The following SNAP47 variants were observed in gnomAD, a reference collection of about 807,000 sequenced individuals.
The protein encoded by SNAP47 is synaptosome associated protein 47, also known as synaptosomal-associated protein 47.
SNAP47 carries 20 observed loss-of-function variants against 31.4 expected under a neutral mutation model. The observed-to-expected ratio is 0.64, with a 90% CI of 0.45 to 0.93. The LOEUF (loss-of-function observed/expected upper bound fraction) is 0.93. Among genes scored for constraint, SNAP47 ranks in the 40% least tolerant of loss-of-function variants. The probability of loss-of-function intolerance (pLI) is 0.00; values close to 1 mark genes in which losing one functional copy is unlikely to be tolerated. For missense variants in SNAP47, 492 were observed against 528.5 expected, an observed-to-expected ratio of 0.93 and a Z score of 0.68; for synonymous variants, 194 against 213.4, an observed-to-expected ratio of 0.91 and a Z score of 0.79.
chr1:227,739,764 G>A (rs1661466930), intron 1 of SNAP47, among the ~76,000 whole-genome samples: 2 of 152,230 alleles, frequency 1.3e-5, no homozygotes, highest in Admixed American at 1.3e-4. Context: ...CTCCCCAAGA[G>A]CGTCACTTGT....
At chr1:227,734,845 C>T, upstream of SNAP47, 3 of 1,612,466 alleles carry the variant, frequency 1.9e-6, no homozygotes, top group Non-Finnish European at 2.5e-6. Context: ...TCCATGCCAT[C>T]TCCCTGGGCC....
At chr1:227,732,136 A>G, upstream of SNAP47, 3 of 570,466 alleles carry the variant, frequency 5.3e-6, no homozygotes, top group Non-Finnish European at 9.4e-6. Context: ...CCCCCAAAAG[A>G]GCCAGGTCCT....
chr1:227,780,322 C>G (rs1013302880), intron 4 of SNAP47, among the ~76,000 whole-genome samples: 1 of 152,224 alleles, frequency 6.6e-6, no homozygotes, highest in African/African-American at 2.4e-5. Flanking sequence ...GGGGCAGGCA[C>G]CTCATCTCAT....
rs185475576 is a variant in SNAP47, at chr1:227,745,274, G to T, written c.-45-2418G>T. 1.2e-3 allele frequency among the ~76,000 whole-genome samples: 190 copies of T among 152,296 alleles called. 2 individuals carry two copies. Among genetic ancestry groups the T allele is most frequent in the Non-Finnish European group, 5.7e-4 (39 of 68,028 alleles). The stretch of plus-strand genomic sequence containing the variant: ...ATCACAAGTGCACCCAGGGCAAGGG[G>T]TGGACAGAAGCAGCCCCACAGAGGC... On this transcript the variant is annotated intron_variant, in intron 1 of 4. Coordinates refer to ENST00000617596, the MANE Select transcript of SNAP47 (RefSeq NM_053052.4).
chr1:227,733,624 C>T, upstream of SNAP47: 3 of 1,604,340 alleles, frequency 1.9e-6, no homozygotes, highest in Non-Finnish European at 2.5e-6. Flanking sequence ...ACTTCTTCCT[C>T]CCACAGACAT....
chr1:227,743,624 G>A (rs1661765913), intron 1 of SNAP47, among the ~76,000 whole-genome samples: 2 of 152,220 alleles, frequency 1.3e-5, no homozygotes, highest in Admixed American at 6.5e-5. Context: ...TCACTGCTCA[G>A]TGGCAGTCAC....
At chr1:227,779,965 T>C (rs1664369872) in intron 4 of SNAP47, among the ~76,000 whole-genome samples, 2 of 152,330 alleles carry the variant, frequency 1.3e-5, no homozygotes, top group Non-Finnish European at 2.9e-5. Flanking sequence ...CTCCACCGTA[T>C]GGAGAGTTTC....
chr1:227,734,703 C>T (rs1660946722), upstream of SNAP47: 5 of 1,614,030 alleles, frequency 3.1e-6, no homozygotes, highest in Middle Eastern at 1.6e-4. Flanking sequence ...GAGGAGTAGC[C>T]CGCCTGTATG....
chr1:227,754,985 AG>A (rs1011753713), intron 2 of SNAP47, among the ~76,000 whole-genome samples: 116 of 152,310 alleles, frequency 7.6e-4, no homozygotes, highest in African/African-American at 2.8e-3. Flanking sequence ...ATCTTGGCCA[AG>A]GGGATTCCAA....
intron 1 of SNAP47, among the ~76,000 whole-genome samples, chr1:227,739,020 G>A (rs1048505573): frequency 1.3e-5 from 2 of 152,146 alleles, no homozygotes; most frequent in African/African-American, 4.8e-5. Flanking sequence ...TGTATACGCA[G>A]GAGGCCTGGA....
intron 3 of SNAP47, among the ~76,000 whole-genome samples, chr1:227,761,493 A>C (rs1468909296): frequency 6.6e-6 from 1 of 152,212 alleles, no homozygotes; most frequent in African/African-American, 2.4e-5. Context: ...AAATGTAATG[A>C]AATCCATTGA....
chr1:227,732,899 G>A, upstream of SNAP47: 1 of 1,612,812 alleles, frequency 6.2e-7, no homozygotes, highest in Non-Finnish European at 8.5e-7. Flanking sequence ...GGTGGTGCCA[G>A]TCGGGCATGG....
At chr1:227,760,360 G>A (rs1398523689) in intron 3 of SNAP47, among the ~76,000 whole-genome samples, 4 of 152,142 alleles carry the variant, frequency 2.6e-5, no homozygotes, top group Non-Finnish European at 4.4e-5. Flanking sequence ...CTAGCCTGGC[G>A]CCCAAACATG....
chr1:227,734,679 G>C, upstream of SNAP47: 1 of 1,614,130 alleles, frequency 6.2e-7, no homozygotes, highest in Non-Finnish European at 8.5e-7. Flanking sequence ...TTGAGGTAGA[G>C]ACAGCCCCTG....
At position 227,781,152 on chromosome 1, in the gene SNAP47, C is replaced by G. The variant is rs949257540; in HGVS notation, c.*479C>G. On this transcript the variant is annotated 3_prime_UTR_variant, in exon 5 of 5. Coordinates refer to ENST00000617596, the MANE Select transcript of SNAP47 (RefSeq NM_053052.4). ...AAAAGTGAAATTAGCATGACTGCAT[C>G]TTTCAAACAAAAATATTGATTTCTG... The G allele has an allele frequency of 6.5e-6, 1 of 154,576 alleles. No individual in the cohort carries two copies. Among genetic ancestry groups the G allele is most frequent in the Non-Finnish European group, 1.4e-5 (1 of 69,716 alleles). The allele number at this position is 154,576 out of a possible 1,614,324, so 9.6% of individuals were successfully genotyped here.
intron 1 of SNAP47, among the ~76,000 whole-genome samples, chr1:227,739,086 A>G (rs1421631621): frequency 6.6e-6 from 1 of 152,190 alleles, no homozygotes; most frequent in Non-Finnish European, 1.5e-5. Context: ...AGAGCCCGCT[A>G]GATCAGCCCT....
At chr1:227,772,086 C>A (rs758124272) in intron 4 of SNAP47, among the ~76,000 whole-genome samples, 13 of 152,148 alleles carry the variant, frequency 8.5e-5, no homozygotes, top group Non-Finnish European at 1.8e-4. Flanking sequence ...TCCCAGTTGT[C>A]GCTTTAATGA....
chr1:227,770,158 C>T (rs557031405), intron 4 of SNAP47, among the ~76,000 whole-genome samples: 9 of 152,308 alleles, frequency 5.9e-5, no homozygotes, highest in South Asian at 2.1e-4. Context: ...TGGCATGGGG[C>T]GACCAGCGTA....
intron 2 of SNAP47, among the ~76,000 whole-genome samples, chr1:227,748,766 G>A (rs990370954): frequency 6.6e-6 from 1 of 152,124 alleles, no homozygotes; most frequent in African/African-American, 2.4e-5. Context: ...GTCTGTCTTG[G>A]TGACAGTCTC....
Sources: allele counts gnomAD v4.1 joint callset (sites outside exome capture counted in the v4.1 genomes callset), GRCh38; gene constraint gnomAD v4.1.1; transcripts MANE v1.5; gene names NCBI Gene and HGNC (gene_info 2026-07-23, HGNC 2026-07-21).